The following RNASE4 variants were observed in gnomAD, a reference collection of about 807,000 sequenced individuals.
RNASE4 encodes ribonuclease A family member 4, also known as ribonuclease 4.
For synonymous variants in RNASE4, 93 were observed against 71.4 expected (o/e 1.30, Z -1.52); for missense variants, 194 against 192.8 (o/e 1.01, Z -0.04).
chr14:20,696,829 T>A (rs1288389205), intron 1 of RNASE4, among the ~76,000 whole-genome samples: 1 of 152,130 alleles, frequency 6.6e-6, no homozygotes, highest in Non-Finnish European at 1.5e-5. Context: ...TTTCATAACA[T>A]CCCTAAGAGG....
At chr14:20,693,923 C>T in intron 1 of RNASE4, 2 of 1,614,166 alleles carry the variant, frequency 1.2e-6, no homozygotes, top group Non-Finnish European at 1.7e-6. Flanking sequence ...CAGTACCGAG[C>T]CACAGCGGGG....
chr14:20,694,950 C>T (rs879471467), intron 1 of RNASE4, among the ~76,000 whole-genome samples: 2 of 151,998 alleles, frequency 1.3e-5, no homozygotes, highest in African/African-American at 2.4e-5. Flanking sequence ...TTGTCTTAAG[C>T]GAGAGATAAT....
rs1594215689 is a variant in RNASE4, at chr14:20,700,051, C to T, written c.*236C>T. ...AGCTTCCTTTTATAATACTGGTCAG[C>T]TTAGCTCTCTCAGATCCTATCCTGT... On this transcript the variant is annotated 3_prime_UTR_variant, in exon 2 of 2. Coordinates refer to ENST00000555835, the MANE Select transcript of RNASE4 (RefSeq NM_002937.5). 1 of 538,134 alleles carries T rather than the reference C, an allele frequency of 1.9e-6. No individual in the cohort carries two copies. The highest frequency in any genetic ancestry group is 3.4e-6 in the Non-Finnish European group (1 of 293,438). The allele number at this position is 538,134 out of a possible 1,614,324, so 33.3% of individuals were successfully genotyped here. A position where few individuals can be genotyped will look rare whatever the true frequency, so the allele number is the denominator to read the frequency against.
At chr14:20,688,990 T>C (rs1370124015) in intron 1 of RNASE4, 1 of 430,068 alleles carries the variant, frequency 2.3e-6, no homozygotes. Context: ...AAAAAGAAAA[T>C]GGATCAGATT....
rs564505733 is a variant in RNASE4 at position 20,694,240 on chromosome 14, C to T, written c.-17-5115C>T. ...ATTGATCTTTCCCCCATTTTCTCTA[C>T]TTGGCTGCTCCCTGAGAGGACTGCA... On this transcript the variant is annotated intron_variant, in intron 1 of 1. Coordinates refer to ENST00000555835, the MANE Select transcript of RNASE4 (RefSeq NM_002937.5). 4 of 600,916 alleles carry T rather than the reference C, an allele frequency of 6.7e-6. No homozygotes were observed. In the East Asian group the frequency reaches 1.2e-4, roughly 18 times the overall value. The allele number at this position is 600,916 out of a possible 1,614,324, so 37.2% of individuals were successfully genotyped here.
At chr14:20,689,269 T>C (rs1886575174) in intron 1 of RNASE4, among the ~76,000 whole-genome samples, 2 of 152,234 alleles carry the variant, frequency 1.3e-5, no homozygotes. Flanking sequence ...CTAATTTCTC[T>C]TCTTAGAAAA....
chr14:20,693,474 A>G (rs1447769007), intron 1 of RNASE4: 7 of 1,585,550 alleles, frequency 4.4e-6, no homozygotes, highest in Non-Finnish European at 5.1e-6. Flanking sequence ...TCAGAGAGCA[A>G]AGCTCCTGTC....
chr14:20,694,662 A>G (rs1158026664), intron 1 of RNASE4, among the ~76,000 whole-genome samples: 2 of 152,184 alleles, frequency 1.3e-5, no homozygotes, highest in African/African-American at 4.8e-5. Flanking sequence ...CTCTCTGTGA[A>G]GGAAAGTATG....
rs757550038 is a variant in RNASE4, at chr14:20,699,492, G to T, written c.121G>T (p.Val41Leu). The change falls in exon 2 of 2, where the codon GTG becomes TTG. Residue 41 changes from valine to leucine, a missense_variant. By Grantham distance (32) the Val-to-Leu change is conservative (BLOSUM62 1). Coordinates refer to ENST00000555835, the MANE Select transcript of RNASE4 (RefSeq NM_002937.5). ...GMYQRFLRQH[V>L]HPEETGGSDR... ...GTACCAGCGATTCCTGCGGCAACAC[G>T]TGCACCCTGAGGAGACAGGTGGCAG... The T allele has an allele frequency of 1.9e-6, 3 of 1,613,990 alleles. No individual in the cohort carries two copies. The highest frequency in any genetic ancestry group is 2.7e-5 in the African/African-American group (2 of 74,928).
chr14:20,697,493 T>A (rs927189915), intron 1 of RNASE4, among the ~76,000 whole-genome samples: 13 of 152,192 alleles, frequency 8.5e-5, no homozygotes, highest in Non-Finnish European at 1.9e-4. Context: ...TTGATATCTT[T>A]ATGTGCAAAG....
rs1474098607 is a variant in RNASE4, at chr14:20,700,468, G to C, written c.*653G>C. Reference sequence around the variant, plus strand: ...TGATACTGGGAATTTTCTTTTTCCTGAAACTTTGAATCACCCTAGTAAGTC... The same window carrying C: ...TGATACTGGGAATTTTCTTTTTCCTCAAACTTTGAATCACCCTAGTAAGTC... On this transcript the variant is annotated 3_prime_UTR_variant, in exon 2 of 2. Coordinates refer to ENST00000555835, the MANE Select transcript of RNASE4 (RefSeq NM_002937.5). The C allele has an allele frequency of 6.0e-6, 1 of 166,932 alleles. No individual in the cohort carries two copies. Among genetic ancestry groups the C allele is most frequent in the African/African-American group, 2.4e-5 (1 of 41,394 alleles). 10.3% of individuals were successfully genotyped at this position (166,932 alleles called of 1,614,324 possible).
intron 1 of RNASE4, among the ~76,000 whole-genome samples, chr14:20,686,157 A>G (rs1449569808): frequency 6.6e-6 from 1 of 152,154 alleles, no homozygotes; most frequent in African/African-American, 2.4e-5. Flanking sequence ...CTCTTCTTTA[A>G]TATGAGGGGT....
In RNASE4 at chr14:20,699,380, G is replaced by A; in HGVS notation, c.9G>A (p.Leu3=). 1 of 1,598,830 alleles carries A rather than the reference G, an allele frequency of 6.3e-7. No individual in the cohort carries two copies. The highest frequency in any genetic ancestry group is 2.2e-5 in the East Asian group (1 of 44,606). ...GCACCTCTAAGATACTGATGGCTCT[G>A]CAGAGGACCCATTCATTGCTTCTGC... MA[L]QRTHSLLLLL... The change falls in exon 2 of 2, where the codon CTG becomes CTA. Residue 3 remains leucine (L), a synonymous_variant. Coordinates refer to ENST00000555835, the MANE Select transcript of RNASE4 (RefSeq NM_002937.5).
chr14:20,699,809 C>T lies in RNASE4; in HGVS notation c.438C>T (p.Asp146=), dbSNP rs748161506. 2.1e-5 allele frequency: 34 copies of T among 1,612,090 alleles called. No homozygotes were observed. The South Asian group carries it at 2.2e-4, about 10-fold the overall frequency. Residue 146 remains aspartate (D), a synonymous_variant, in exon 2 of 2, where the codon GAC becomes GAT. Transcript: ENST00000555835. The part of the protein sequence containing the change: ...EGNPQVPVHF[D]G ...ACCCACAGGTGCCTGTGCACTTTGA[C>T]GGTTAGATGCCACCATGTAGGGATT...
chr14:20,690,934 C>T (rs900909027), intron 1 of RNASE4, among the ~76,000 whole-genome samples: 3 of 152,202 alleles, frequency 2.0e-5, no homozygotes, highest in African/African-American at 7.2e-5. Context: ...GAAATGGCAC[C>T]CGTGAAACCT....
intron 1 of RNASE4, among the ~76,000 whole-genome samples, chr14:20,688,248 C>G (rs1348620569): frequency 1.3e-5 from 2 of 152,174 alleles, no homozygotes; most frequent in African/African-American, 4.8e-5. Flanking sequence ...ATAGCTGTCA[C>G]ACAACCTTCT....
intron 1 of RNASE4, among the ~76,000 whole-genome samples, chr14:20,689,864 C>A (rs1886622734): frequency 6.9e-6 from 1 of 143,976 alleles, no homozygotes; most frequent in Admixed American, 7.1e-5. Flanking sequence ...TGCAGTGAGC[C>A]AAGATAGCAC....
At chr14:20,686,873 A>G (rs1450271367) in intron 1 of RNASE4, among the ~76,000 whole-genome samples, 4 of 152,206 alleles carry the variant, frequency 2.6e-5, no homozygotes, top group African/African-American at 4.8e-5. Flanking sequence ...AATTAGTCCT[A>G]AGACAGAATG....
At chr14:20,688,688 G>T in intron 1 of RNASE4, 1 of 985,326 alleles carries the variant, frequency 1.0e-6, no homozygotes, top group African/African-American at 1.7e-5. Flanking sequence ...GTTTGTTCAA[G>T]AGCAGTGTCC....
Sources: gnomAD v4.1 joint callset for allele counts (sites outside exome capture counted in the v4.1 genomes callset) on GRCh38, gnomAD v4.1.1 for gene constraint, MANE v1.5 for transcripts, NCBI Gene and HGNC (gene_info 2026-07-23, HGNC 2026-07-21) for gene names.